SMYD2: variants seen among roughly 807,000 people sequenced by gnomAD.
The protein encoded by SMYD2 is SET and MYND domain containing 2.
SMYD2 carries 53 observed loss-of-function variants against 59.1 expected under a neutral mutation model. That is an observed-to-expected ratio of 0.90 (90% confidence interval 0.72 to 1.13). The LOEUF (loss-of-function observed/expected upper bound fraction) is 1.13. Ranked by LOEUF, SMYD2 falls within the 50% of genes most tolerant of loss-of-function variation. The probability of loss-of-function intolerance (pLI) is 0.00; values close to 1 mark genes in which losing one functional copy is unlikely to be tolerated. For synonymous variants in SMYD2, 208 were observed against 198.8 expected, an observed-to-expected ratio of 1.05 and a Z score of -0.39; for missense variants, 494 against 544.7, an observed-to-expected ratio of 0.91 and a Z score of 0.93.
At chr1:214,310,564 C>T (rs1315706225) in intron 2 of SMYD2, among the ~76,000 whole-genome samples, 2 of 137,482 alleles carry the variant, frequency 1.5e-5, no homozygotes, top group Non-Finnish European at 3.0e-5. Context: ...ATAAGTATTG[C>T]AGTCAGGGCA....
At chr1:214,328,732 T>C (rs527543688) in intron 7 of SMYD2, among the ~76,000 whole-genome samples, 5 of 152,346 alleles carry the variant, frequency 3.3e-5, no homozygotes, top group African/African-American at 1.2e-4. Context: ...ACAGCTGCAC[T>C]GGGAGCTGAA....
intron 1 of SMYD2, among the ~76,000 whole-genome samples, chr1:214,300,560 A>G (rs1656805441): frequency 6.6e-6 from 1 of 152,204 alleles, no homozygotes; most frequent in Non-Finnish European, 1.5e-5. Context: ...GAGCCGGGGC[A>G]TTATGCAGAC....
intron 3 of SMYD2, among the ~76,000 whole-genome samples, chr1:214,315,134 G>C (rs1430394414): frequency 6.6e-6 from 1 of 152,170 alleles, no homozygotes; most frequent in Admixed American, 6.5e-5. Flanking sequence ...TTCATGACAG[G>C]TTTACATGGA....
At chr1:214,302,668 A>G (rs6540817) in intron 1 of SMYD2, among the ~76,000 whole-genome samples, 79,321 of 151,956 alleles carry the variant, frequency 0.52, 21,567 homozygotes, top group African/African-American at 0.68. Flanking sequence ...GAGCTGGTTC[A>G]AATGAAGGCC....
At chr1:214,331,825 C>A (rs1275958693) in intron 9 of SMYD2, 193 bp from the exon 10 acceptor site, 7 of 581,762 alleles carry the variant, frequency 1.2e-5, no homozygotes, top group Non-Finnish European at 2.1e-5. Flanking sequence ...TTGAGCGGTT[C>A]CGACCTTCAG....
chr1:214,330,028 TTAAAG>T (rs1558057942), intron 7 of SMYD2, 135 bp from the exon 8 acceptor site: 6 of 533,066 alleles, frequency 1.1e-5, no homozygotes, highest in Admixed American at 3.5e-5. Flanking sequence ...ATTCCGTGCC[TTAAAG>T]TAAACAGCGC....
intron 1 of SMYD2, among the ~76,000 whole-genome samples, chr1:214,288,308 T>C (rs751266465): frequency 2.6e-5 from 4 of 152,248 alleles, no homozygotes; most frequent in South Asian, 2.1e-4. Flanking sequence ...CCATTTTACA[T>C]AGAAAGAAAC....
chr1:214,321,363 A>G (rs1467530226), intron 5 of SMYD2, among the ~76,000 whole-genome samples: 1 of 152,224 alleles, frequency 6.6e-6, no homozygotes, highest in African/African-American at 2.4e-5. Flanking sequence ...AATACAAATA[A>G]GTATACATTT....
intron 1 of SMYD2, among the ~76,000 whole-genome samples, chr1:214,288,488 G>T (rs912608557): frequency 2.2e-4 from 34 of 152,136 alleles, no homozygotes; most frequent in Admixed American, 1.3e-4. Context: ...CTACTGTGTG[G>T]TTCACCCAGG....
chr1:214,282,148 G>GTT (rs1656461617), intron 1 of SMYD2, among the ~76,000 whole-genome samples: 1 of 152,156 alleles, frequency 6.6e-6, no homozygotes, highest in African/African-American at 2.4e-5. Flanking sequence ...ATGTGTCTGT[G>GTT]TTTGTATATA....
intron 2 of SMYD2, among the ~76,000 whole-genome samples, chr1:214,313,378 G>A (rs1159194745): frequency 4.0e-5 from 6 of 151,782 alleles, no homozygotes; most frequent in African/African-American, 1.2e-4. Context: ...CAGCCTCCCT[G>A]CCCTGAGCAT....
chr1:214,330,393 C>T, intron 8 of SMYD2, 115 bp downstream of exon 8: 1 of 658,208 alleles, frequency 1.5e-6, no homozygotes, highest in Non-Finnish European at 2.5e-6. Context: ...CCCTTTAAAC[C>T]CTCCTTACAA....
chr1:214,331,803 A>G (rs1305185246), intron 9 of SMYD2: 3 of 535,024 alleles, frequency 5.6e-6, no homozygotes, highest in African/African-American at 3.8e-5. Flanking sequence ...CCCTGCGGCT[A>G]AAATTCTTGA....
chr1:214,292,617 G>A lies in SMYD2; in HGVS notation c.173+11190G>A, dbSNP rs573449921. On this transcript the variant is annotated intron_variant, in intron 1 of 11. Transcript: ENST00000366957. ...ATTTCTGCATCTTATCTTACTAGTG[G>A]CCCTTTGCATAGGCCTCATCACCTC... 9.2e-5 allele frequency among the ~76,000 whole-genome samples: 14 copies of A among 152,174 alleles called. 1 individual carries two copies. The South Asian group carries it at 1.7e-3, about 18-fold the overall frequency.
chr1:214,334,422 A>G (rs918932531), intron 11 of SMYD2, 114 bp downstream of exon 11: 1 of 954,602 alleles, frequency 1.0e-6, no homozygotes, highest in African/African-American at 1.6e-5. Flanking sequence ...AGCAGCTCTC[A>G]CCCACCCTCT....
chr1:214,329,255 C>A (rs1210207901), intron 7 of SMYD2, among the ~76,000 whole-genome samples: 1 of 152,204 alleles, frequency 6.6e-6, no homozygotes, highest in Non-Finnish European at 1.5e-5. Context: ...TCCAGTACCT[C>A]CCCATGGGCT....
rs1457455053 is a variant in SMYD2 at position 214,336,834 on chromosome 1, A to G, written c.*50A>G. On this transcript the variant is annotated 3_prime_UTR_variant, in exon 12 of 12. Coordinates refer to ENST00000366957, the MANE Select transcript of SMYD2 (RefSeq NM_020197.3). ...TTTAAACACTTAGTTCAGAAACCTT[A>G]AAGGATTTGAATATTTCAAATTGCA... 1 of 1,503,330 alleles carries G rather than the reference A, an allele frequency of 6.7e-7. No homozygotes were observed. 93.1% of individuals were successfully genotyped at this position (1,503,330 alleles called of 1,614,324 possible).
intron 5 of SMYD2, among the ~76,000 whole-genome samples, chr1:214,320,173 G>A (rs940810667): frequency 9.2e-5 from 14 of 152,172 alleles, no homozygotes; most frequent in African/African-American, 3.4e-4. Context: ...GTGATGGAAG[G>A]TTACATAACC....
At chr1:214,336,645 G>A (rs1571937838) in intron 11 of SMYD2, 59 bp from the exon 12 acceptor site, 1 of 1,513,028 alleles carries the variant, frequency 6.6e-7, no homozygotes, top group Non-Finnish European at 9.1e-7. Context: ...AGTTACCCTG[G>A]GTGGAGGTGT....
Sources: gnomAD v4.1 joint callset for allele counts (sites outside exome capture counted in the v4.1 genomes callset) on GRCh38, gnomAD v4.1.1 for gene constraint, MANE v1.5 for transcripts, NCBI Gene and HGNC (gene_info 2026-07-23, HGNC 2026-07-21) for gene names.